PITPNC1: variants seen among roughly 807,000 people sequenced by gnomAD.
PITPNC1 encodes cytoplasmic phosphatidylinositol transfer protein 1.
In PITPNC1, 18 loss-of-function variants were observed where a neutral mutation model predicts 44.7. That is an observed-to-expected ratio of 0.40 (90% CI 0.28 to 0.60). The LOEUF (loss-of-function observed/expected upper bound fraction) is 0.60. Ranked by LOEUF, PITPNC1 falls within the 20% of genes least tolerant of loss-of-function variation. PITPNC1 has a pLI of 0.39. For synonymous variants in PITPNC1, 141 were observed against 149.6 expected, an observed-to-expected ratio of 0.94 and a Z score of 0.42; for missense variants, 290 against 418.4, an observed-to-expected ratio of 0.69 and a Z score of 2.68.
intron 1 of PITPNC1, among the ~76,000 whole-genome samples, chr17:67,406,496 C>T (rs944394959): frequency 1.3e-5 from 2 of 152,038 alleles, no homozygotes; most frequent in Non-Finnish European, 2.9e-5. Flanking sequence ...GCTTCTTTTG[C>T]TTAGCATAAT....
At chr17:67,503,926 C>T (rs2040068736) in intron 1 of PITPNC1, among the ~76,000 whole-genome samples, 1 of 152,170 alleles carries the variant, frequency 6.6e-6, no homozygotes, top group Non-Finnish European at 1.5e-5. Flanking sequence ...TTCTGTCTTC[C>T]TCTTTTTTTG....
At chr17:67,587,673 G>T (rs1020421973) in intron 5 of PITPNC1, among the ~76,000 whole-genome samples, 1 of 152,148 alleles carries the variant, frequency 6.6e-6, no homozygotes, top group East Asian at 1.9e-4. Context: ...CCAGCTTCTC[G>T]TTGTTATCTT....
intron 4 of PITPNC1, among the ~76,000 whole-genome samples, chr17:67,572,807 ACC>A (rs2041081181): frequency 1.8e-4 from 1 of 5,572 alleles, no homozygotes; most frequent in Admixed American, 3.4e-3. Flanking sequence ...GGGGGAGTGG[ACC>A]TACCTAGATT....
chr17:67,395,705 A>C (rs972309190), intron 1 of PITPNC1, among the ~76,000 whole-genome samples: 1 of 152,176 alleles, frequency 6.6e-6, no homozygotes, highest in Non-Finnish European at 1.5e-5. Context: ...AAAGTGACGC[A>C]GTGGATGAAA....
intron 1 of PITPNC1, among the ~76,000 whole-genome samples, chr17:67,450,040 G>C (rs904719299): frequency 6.6e-6 from 1 of 152,262 alleles, no homozygotes; most frequent in South Asian, 2.1e-4. Flanking sequence ...TGAGATAAGC[G>C]CAGTAGCCAG....
intron 1 of PITPNC1, among the ~76,000 whole-genome samples, chr17:67,406,167 A>C (rs1256486174): frequency 1.3e-5 from 2 of 152,050 alleles, no homozygotes; most frequent in African/African-American, 4.8e-5. Context: ...GGGTCTTGCT[A>C]TGTTGCCGGG....
At chr17:67,531,440 A>AAGACCCAGAC (rs2040460477) in intron 1 of PITPNC1, among the ~76,000 whole-genome samples, 1 of 152,084 alleles carries the variant, frequency 6.6e-6, no homozygotes, top group African/African-American at 2.4e-5. Context: ...GTCCTTCGAG[A>AAGACCCAGAC]AGACCCAGAC....
chr17:67,440,727 A>T (rs1301459947), intron 1 of PITPNC1, among the ~76,000 whole-genome samples: 1 of 150,558 alleles, frequency 6.6e-6, no homozygotes, highest in East Asian at 2.0e-4. Context: ...AATTTTTTTT[A>T]TAGGGATAGG....
At chr17:67,673,758 G>C (rs538305866) in intron 7 of PITPNC1, among the ~76,000 whole-genome samples, 1 of 151,918 alleles carries the variant, frequency 6.6e-6, no homozygotes, top group South Asian at 2.1e-4. Context: ...AGACCAGCCT[G>C]ACCAACATGG....
intron 1 of PITPNC1, among the ~76,000 whole-genome samples, chr17:67,434,316 C>T (rs2038901035): frequency 1.3e-5 from 2 of 152,214 alleles, no homozygotes. Flanking sequence ...CTGCTCTGTG[C>T]CTCTTTTGTA....
intron 1 of PITPNC1, among the ~76,000 whole-genome samples, chr17:67,462,290 G>T (rs1413310928): frequency 1.4e-5 from 2 of 140,944 alleles, no homozygotes; most frequent in African/African-American, 5.4e-5. Flanking sequence ...GGAGTGCGGT[G>T]GTGGGATCTC....
At chr17:67,692,141 ATTGTT>A (rs1247996236) in intron 8 of PITPNC1, among the ~76,000 whole-genome samples, 3 of 152,116 alleles carry the variant, frequency 2.0e-5, no homozygotes, top group Admixed American at 6.5e-5. Flanking sequence ...AGGGCCATTG[ATTGTT>A]TTAATTACCT....
At chr17:67,651,922 G>A (rs1237551091) in intron 6 of PITPNC1, among the ~76,000 whole-genome samples, 1 of 152,142 alleles carries the variant, frequency 6.6e-6, no homozygotes, top group Non-Finnish European at 1.5e-5. Context: ...TCATTGGAGG[G>A]GAATGAGAAT....
intron 6 of PITPNC1, among the ~76,000 whole-genome samples, chr17:67,668,943 C>T (rs1337060405): frequency 6.6e-6 from 1 of 152,174 alleles, no homozygotes; most frequent in Non-Finnish European, 1.5e-5. Context: ...ATGTGCAATT[C>T]AGTGGTTTTT....
At chr17:67,513,489 G>A (rs2949931) in intron 1 of PITPNC1, among the ~76,000 whole-genome samples, 1,770 of 138,540 alleles carry the variant, frequency 0.013, 35 homozygotes, top group African/African-American at 0.045. Context: ...GTGTGTGTGT[G>A]TATATATATA....
intron 1 of PITPNC1, among the ~76,000 whole-genome samples, chr17:67,407,890 A>G (rs2038424889): frequency 1.3e-5 from 2 of 152,222 alleles, no homozygotes; most frequent in Non-Finnish European, 2.9e-5. Flanking sequence ...TGAGAGCGGC[A>G]CATCTCAGAC....
chr17:67,536,739 AGCCACCCTC>A (rs2040536153), intron 2 of PITPNC1, among the ~76,000 whole-genome samples: 1 of 152,206 alleles, frequency 6.6e-6, no homozygotes, highest in East Asian at 1.9e-4. Flanking sequence ...TCACTTTTCT[AGCCACCCTC>A]GCAGCTAGAG....
intron 6 of PITPNC1, among the ~76,000 whole-genome samples, chr17:67,663,651 G>T (rs147788606): frequency 7.2e-5 from 11 of 152,034 alleles, no homozygotes; most frequent in Non-Finnish European, 8.8e-5. Flanking sequence ...CCCCTAAGCA[G>T]TGTGCCCAGA....
chr17:67,521,711 A>G (rs962974714), intron 1 of PITPNC1, among the ~76,000 whole-genome samples: 3 of 152,124 alleles, frequency 2.0e-5, no homozygotes, highest in African/African-American at 7.2e-5. Flanking sequence ...TGGAGGTAAA[A>G]ATACACGCTG....
Sources: allele counts gnomAD v4.1 joint callset (sites outside exome capture counted in the v4.1 genomes callset), GRCh38; gene constraint gnomAD v4.1.1; transcripts MANE v1.5; gene names NCBI Gene and HGNC (gene_info 2026-07-23, HGNC 2026-07-21).